EVI5: variants seen among roughly 807,000 people sequenced by gnomAD.
The protein encoded by EVI5 is ecotropic viral integration site 5, also known as ecotropic viral integration site 5 protein homolog.
A neutral mutation model predicts 112.0 loss-of-function variants in EVI5; 73 were observed. That is an observed-to-expected ratio of 0.65 (90% CI 0.54 to 0.79). EVI5 has a LOEUF of 0.79. Among genes scored for constraint, EVI5 ranks in the 30% least tolerant of loss-of-function variants. The pLI is 0.00. For synonymous variants in EVI5, 305 were observed against 319.9 expected, an observed-to-expected ratio of 0.95 and a Z score of 0.50; for missense variants, 900 against 968.8, an observed-to-expected ratio of 0.93 and a Z score of 0.94.
intron 18 of EVI5, among the ~76,000 whole-genome samples, chr1:92,588,577 T>C (rs1006410521): frequency 6.6e-6 from 1 of 152,266 alleles, no homozygotes; most frequent in Non-Finnish European, 1.5e-5. Flanking sequence ...TTTTTCTCCG[T>C]TGTCTTCCAC....
intron 1 of EVI5, chr1:92,749,292 G>A (rs1558197784): frequency 7.2e-6 from 2 of 279,070 alleles, no homozygotes; most frequent in Non-Finnish European, 7.0e-6. Flanking sequence ...TACCAGCCAT[G>A]GTATAGAGCT....
At chr1:92,751,207 G>A (rs1229650658) in intron 1 of EVI5, among the ~76,000 whole-genome samples, 2 of 152,186 alleles carry the variant, frequency 1.3e-5, no homozygotes, top group Non-Finnish European at 2.9e-5. Context: ...TTCAGTGTAT[G>A]CATTAACATG....
Position 92,702,232 on chromosome 1 carries a change from A to C in EVI5, c.565-17T>G. 7.0e-7 allele frequency: 1 copy of C among 1,435,678 alleles called. No homozygotes were observed. The highest frequency in any genetic ancestry group is 1.5e-5 in the African/African-American group (1 of 67,088). The allele number at this position is 1,435,678 out of a possible 1,614,324, so 88.9% of individuals were successfully genotyped here. A position where few individuals can be genotyped will look rare whatever the true frequency, so the allele number is the denominator to read the frequency against. The stretch of plus-strand genomic sequence containing the variant: ...AGAGTAAGCCTAAAAAGTAAAAAAA[A>C]GTTGTTCAAAATACATGGTAAGTTA... On this transcript the variant is annotated splice_polypyrimidine_tract_variant and intron_variant, in intron 4 of 19. Transcript: ENST00000684568.
intron 18 of EVI5, among the ~76,000 whole-genome samples, chr1:92,569,247 G>T (rs565858583): frequency 6.6e-6 from 1 of 152,254 alleles, no homozygotes; most frequent in Non-Finnish European, 1.5e-5. Context: ...CATACAGATG[G>T]TCAATACATT....
intron 1 of EVI5, among the ~76,000 whole-genome samples, chr1:92,753,970 G>A (rs1187413512): frequency 6.6e-6 from 1 of 152,152 alleles, no homozygotes; most frequent in Admixed American, 6.5e-5. Context: ...CTAGAAGGAA[G>A]TCTGAAATGA....
intron 14 of EVI5, among the ~76,000 whole-genome samples, chr1:92,627,136 ATTTGT>A (rs988950526): frequency 3.3e-5 from 5 of 152,100 alleles, no homozygotes; most frequent in African/African-American, 1.2e-4. Context: ...ACTGCACCTT[ATTTGT>A]AGTCTTCTAT....
At chr1:92,769,845 C>T (rs908520631) in intron 1 of EVI5, among the ~76,000 whole-genome samples, 1 of 152,078 alleles carries the variant, frequency 6.6e-6, no homozygotes, top group Non-Finnish European at 1.5e-5. Context: ...CGAGATGGCA[C>T]CACTGCACTC....
At position 92,696,258 on chromosome 1, in the gene EVI5, A is replaced by T. The variant is rs1046735780; in HGVS notation, c.766-805T>A. 2.6e-5 allele frequency among the ~76,000 whole-genome samples: 4 copies of T among 152,090 alleles called. No homozygotes were observed. The East Asian group carries it at 7.7e-4, about 29-fold the overall frequency. ...TAAATGACACATTAATTGAAAATAT[A>T]ACATTAAGAGAGTTTAAGGCTGCTA... On this transcript the variant is annotated intron_variant, in intron 6 of 19. Transcript: ENST00000684568.
chr1:92,666,474 TGAGGTGGGGGGCTGG>T (rs1664907834), intron 10 of EVI5, among the ~76,000 whole-genome samples: 1 of 14,524 alleles, frequency 6.9e-5, no homozygotes, highest in Non-Finnish European at 1.4e-4. Context: ...AGGTGGGGGC[TGAGGTGGGGGGCTGG>T]GAGGTGGGGG....
In EVI5 at chr1:92,744,562, AAATT is replaced by A. The variant is rs202182141; in HGVS notation, c.-81-7939_-81-7936del. On this transcript the variant is annotated intron_variant, in intron 1 of 19. Transcript: ENST00000684568. ...CTCCTTCTTAAGTTTGCTTTGTTTG[AAATT>A]AATATAATTATGCCAAATATCTCTC... Among the ~76,000 whole-genome samples, 8 of 151,266 alleles carry A rather than the reference AAATT, an allele frequency of 5.3e-5. No homozygotes were observed. In the East Asian group the frequency reaches 1.4e-3, roughly 26 times the overall value.
At chr1:92,738,844 G>A (rs188513594) in intron 1 of EVI5, among the ~76,000 whole-genome samples, 10 of 152,070 alleles carry the variant, frequency 6.6e-5, no homozygotes, top group Non-Finnish European at 1.0e-4. Context: ...CTTCCACCCT[G>A]CCACCTCTGA....
intron 2 of EVI5, among the ~76,000 whole-genome samples, chr1:92,706,148 A>G (rs1188972279): frequency 6.6e-6 from 1 of 152,132 alleles, no homozygotes; most frequent in Non-Finnish European, 1.5e-5. Flanking sequence ...AAAACATAAA[A>G]ACATACCAAA....
intron 13 of EVI5, among the ~76,000 whole-genome samples, chr1:92,643,873 A>G (rs1028814201): frequency 4.6e-5 from 7 of 152,102 alleles, no homozygotes; most frequent in Non-Finnish European, 8.8e-5. Flanking sequence ...GAGTAACATG[A>G]AAGAGTTCAT....
In EVI5 at chr1:92,642,827, G is replaced by A. The variant is rs538748933; in HGVS notation, c.1393-6491C>T. ...CCATTAAGTACTTCCTAGTATGAAG[G>A]TCCCAATAACTTCAAACGGCAGTCA... is the stretch of plus-strand genomic sequence containing the variant. On this transcript the variant is annotated intron_variant, in intron 13 of 19. Transcript: ENST00000684568. Among the ~76,000 whole-genome samples the A allele has an allele frequency of 9.2e-5, 14 of 152,252 alleles. No homozygotes were observed. The South Asian group carries it at 2.9e-3, about 32-fold the overall frequency.
chr1:92,542,602 C>A (rs1409064611), intron 19 of EVI5, among the ~76,000 whole-genome samples: 3 of 152,184 alleles, frequency 2.0e-5, no homozygotes, highest in African/African-American at 7.2e-5. Context: ...ATATATGGCA[C>A]TATATGTCTT....
At chr1:92,779,109 A>C (rs1251322486) in intron 1 of EVI5, among the ~76,000 whole-genome samples, 2 of 152,200 alleles carry the variant, frequency 1.3e-5, no homozygotes, top group African/African-American at 4.8e-5. Context: ...ATCAGCTTTC[A>C]GTAGCCCACT....
intron 1 of EVI5, among the ~76,000 whole-genome samples, chr1:92,737,669 T>C (rs1314308231): frequency 1.3e-5 from 2 of 152,126 alleles, no homozygotes; most frequent in Non-Finnish European, 2.9e-5. Flanking sequence ...ACTCTCCTCA[T>C]TGGTTACCCA....
chr1:92,704,584 C>T lies in EVI5; in HGVS notation c.310G>A (p.Val104Ile), dbSNP rs1251970589. Residue 104 changes from valine (V) to isoleucine (I), a missense_variant, in exon 3 of 20, where the codon GTA (valine) becomes ATA (isoleucine). Physicochemically the swap from Val to Ile is conservative, Grantham distance 29 (BLOSUM62 3). Coordinates refer to ENST00000684568, the MANE Select transcript of EVI5 (RefSeq NM_001350197.2). ...WGRIVNEWED[V>I]RKKKEKQVKE... ...ACTTGCTTTTCCTTCTTTTTGCGTA[C>T]ATCTTCCCATTCATTAACAATTCTT... is the stretch of plus-strand genomic sequence containing the variant. The T allele has an allele frequency of 6.3e-7, 1 of 1,582,546 alleles. No individual in the cohort carries two copies. The highest frequency in any genetic ancestry group is 2.3e-5 in the East Asian group (1 of 44,150).
intron 1 of EVI5, among the ~76,000 whole-genome samples, chr1:92,769,647 A>G (rs1344850380): frequency 2.0e-5 from 3 of 152,206 alleles, no homozygotes; most frequent in Non-Finnish European, 4.4e-5. Flanking sequence ...GCACTTTGGG[A>G]GGCCGAGGCA....
Sources: allele counts gnomAD v4.1 joint callset (sites outside exome capture counted in the v4.1 genomes callset), GRCh38; gene constraint gnomAD v4.1.1; transcripts MANE v1.5; gene names NCBI Gene and HGNC (gene_info 2026-07-23, HGNC 2026-07-21).